PSMD4: variants seen among roughly 807,000 people sequenced by gnomAD.
PSMD4 encodes proteasome 26S subunit ubiquitin receptor, non-ATPase 4.
PSMD4 carries 5 observed loss-of-function variants against 39.7 expected under a neutral mutation model. That is an observed-to-expected ratio of 0.13 (90% CI 0.07 to 0.26). The LOEUF (loss-of-function observed/expected upper bound fraction) is 0.26, where lower values mean the gene tolerates loss of function less well. PSMD4 is among the 10% of genes least tolerant of loss of function. The pLI is 1.00. For synonymous variants in PSMD4, 143 were observed against 174.6 expected (o/e 0.82, Z 1.43); for missense variants, 272 against 486.1 (o/e 0.56, Z 4.14).
rs1272633294 is a variant in PSMD4, at chr1:151,262,045, A to AAAGCTAC, written c.27-114_27-108dup. ...TCATCTGTATATTTAAAAAAGAAAA[A>AAAGCTAC]AAGCTACAGGTGATGCTATGAAGAC... is the stretch of plus-strand genomic sequence containing the variant. On this transcript the variant is annotated intron_variant, in intron 1 of 9. Transcript: ENST00000368884. The AAAGCTAC allele has an allele frequency of 2.7e-6, 3 of 1,115,240 alleles. No homozygotes were observed. The East Asian group carries it at 7.2e-5, about 27-fold the overall frequency. The allele number at this position is 1,115,240 out of a possible 1,614,324, so 69.1% of individuals were successfully genotyped here.
chr1:151,267,273 C>T lies in PSMD4; in HGVS notation c.1064C>T (p.Ala355Val). 6.2e-7 allele frequency: 1 copy of T among 1,613,758 alleles called. No individual in the cohort carries two copies. Among genetic ancestry groups the T allele is most frequent in the East Asian group, 2.2e-5 (1 of 44,868 alleles). Residue 355 changes from alanine to valine, a missense_variant, in exon 10 of 10, where the codon GCT becomes GTT. Around this residue, in one of 3 missense-constraint regions of PSMD4, gnomAD observed 113 missense variants for 184.6 expected, o/e 0.61. Transcript: ENST00000368884. Reference protein sequence around the residue: ...VDPNNEAIRNAMGSLASQATK... With the variant: ...VDPNNEAIRNVMGSLASQATK... ...CCCAACAATGAAGCCATTCGAAATG[C>T]TATGGGCTCCCTGGCCTCCCAGGCC...
chr1:151,254,922 G>A, intron 1 of PSMD4, 114 bp downstream of exon 1: 2 of 1,307,654 alleles, frequency 1.5e-6, no homozygotes, highest in East Asian at 6.1e-5. Flanking sequence ...AGGCGGCCCT[G>A]GCCCCGGAGG....
At chr1:151,256,018 T>A (rs1302625786) in intron 1 of PSMD4, among the ~76,000 whole-genome samples, 3 of 152,008 alleles carry the variant, frequency 2.0e-5, no homozygotes, top group Non-Finnish European at 2.9e-5. Context: ...GAGGTTTTTT[T>A]AATAGGCTTG....
intron 2 of PSMD4, chr1:151,262,611 A>G (rs1693340431): frequency 3.2e-6 from 1 of 307,860 alleles, no homozygotes; most frequent in Admixed American, 4.4e-5. Flanking sequence ...ACAGTGGCTC[A>G]TGTCTGTAAT....
intron 1 of PSMD4, among the ~76,000 whole-genome samples, chr1:151,258,451 G>GTTT (rs869128528): frequency 7.8e-4 from 78 of 99,574 alleles, no homozygotes; most frequent in African/African-American, 1.4e-3. Context: ...CTTTTCGAGT[G>GTTT]TTTTTTTTTT....
At chr1:151,263,324 C>T (rs924729128) in intron 2 of PSMD4, among the ~76,000 whole-genome samples, 24 of 152,094 alleles carry the variant, frequency 1.6e-4, no homozygotes, top group Middle Eastern at 3.4e-3. Context: ...ATTAGCCGGG[C>T]GTGGTGGTGT....
Position 151,263,955 on chromosome 1 carries a change from G to A in PSMD4, c.209G>A (p.Arg70His), listed in dbSNP as rs943122880. The A allele has an allele frequency of 3.7e-6, 6 of 1,601,386 alleles. No homozygotes were observed. The South Asian group carries it at 4.5e-5, about 12-fold the overall frequency. ...VLTTLTPDTG[R>H]ILSKLHTVQP... Reference sequence around the variant, plus strand: ...ACCACACTCACCCCAGACACTGGCCGTATCCTGTCCAAGCTACATACTGTC... The same window carrying A: ...ACCACACTCACCCCAGACACTGGCCATATCCTGTCCAAGCTACATACTGTC... The change falls in exon 3 of 10, where the codon CGT (arginine) becomes CAT (histidine). Residue 70 changes from arginine to histidine, a missense_variant. By Grantham distance (29) the Arg-to-His change is conservative. This residue lies in a region of PSMD4 where 153 missense variants were observed against 257.6 expected (regional missense o/e 0.59). Transcript: ENST00000368884.
rs587718336 is a variant in PSMD4, at chr1:151,256,990, C to T, written c.26+2182C>T. Among the ~76,000 whole-genome samples, 30 of 152,182 alleles carry T rather than the reference C, an allele frequency of 2.0e-4. 1 individual carries two copies. In the East Asian group the frequency reaches 5.8e-3, roughly 29 times the overall value. On this transcript the variant is annotated intron_variant, in intron 1 of 9. Transcript: ENST00000368884. ...TCTCGAACTCCCACCCTCAGGTGAT[C>T]CGCCCGCCTCAGCCTCCCAAAGTGC... is the stretch of plus-strand genomic sequence containing the variant.
chr1:151,263,589 A>G lies in PSMD4; in HGVS notation c.168-325A>G, dbSNP rs906160898. Among the ~76,000 whole-genome samples, 7 of 151,714 alleles carry G rather than the reference A, an allele frequency of 4.6e-5. No homozygotes were observed. In the East Asian group the frequency reaches 9.7e-4, roughly 21 times the overall value. On this transcript the variant is annotated intron_variant, in intron 2 of 9. Coordinates refer to ENST00000368884, the MANE Select transcript of PSMD4 (RefSeq NM_002810.4). ...CACGCCTGTAATCCCAGCACTTTGG[A>G]AGGCCAAGGTGGGCGGATTACGAGG...
chr1:151,256,182 A>G (rs1693161696), intron 1 of PSMD4, among the ~76,000 whole-genome samples: 1 of 151,130 alleles, frequency 6.6e-6, no homozygotes, highest in Admixed American at 6.6e-5. Flanking sequence ...CATCTCTACT[A>G]AAAATACAAA....
Position 151,264,735 on chromosome 1 carries a change from G to A in PSMD4, c.283-97G>A, listed in dbSNP as rs1571071470. The A allele has an allele frequency of 7.3e-6, 7 of 958,900 alleles. No individual in the cohort carries two copies. In the Admixed American group the frequency reaches 1.0e-4, roughly 14 times the overall value. 59.4% of individuals were successfully genotyped at this position (958,900 alleles called of 1,614,324 possible). A position where few individuals can be genotyped will look rare whatever the true frequency, so the allele number is the denominator to read the frequency against. On this transcript the variant is annotated intron_variant, in intron 3 of 9. Transcript: ENST00000368884. The stretch of plus-strand genomic sequence containing the variant: ...CGTGATGGTAGATGGTGTACTTCAG[G>A]TACAAAGAAACTGTAAGAAAAAGGG...
intron 1 of PSMD4, among the ~76,000 whole-genome samples, chr1:151,256,343 CAAAAAAA>C (rs57889256): frequency 0.011 from 526 of 49,218 alleles, 20 homozygotes; most frequent in Middle Eastern, 0.086. Context: ...GACTCCCTCT[CAAAAAAA>C]AAAAAATAAT....
intron 1 of PSMD4, among the ~76,000 whole-genome samples, chr1:151,260,490 T>G (rs1693290164): frequency 6.6e-6 from 1 of 152,208 alleles, no homozygotes; most frequent in Non-Finnish European, 1.5e-5. Flanking sequence ...TCAGTTCAGC[T>G]GTCAAAGCTG....
At chr1:151,261,708 C>G (rs923668296) in intron 1 of PSMD4, among the ~76,000 whole-genome samples, 5 of 151,956 alleles carry the variant, frequency 3.3e-5, no homozygotes, top group Non-Finnish European at 7.4e-5. Flanking sequence ...TATCCCAGCA[C>G]TTGGGGAGGT....
rs1268336672 is a variant in PSMD4, at chr1:151,265,626, C to G, written c.654+17C>G. On this transcript the variant is annotated intron_variant, in intron 6 of 9. Transcript: ENST00000368884. ...CTGGCCTTGGTGAGCAAATGTTGAC[C>G]CCAGGTAGAGTCCAAAGGTCCCTCT... The G allele has an allele frequency of 2.5e-6, 4 of 1,610,948 alleles. No individual in the cohort carries two copies. The African/African-American group carries it at 5.3e-5, about 22-fold the overall frequency.
intron 1 of PSMD4, among the ~76,000 whole-genome samples, chr1:151,260,405 A>G (rs773362005): frequency 1.3e-5 from 2 of 152,156 alleles, no homozygotes; most frequent in African/African-American, 4.8e-5. Flanking sequence ...CATTAGCTGG[A>G]TACTTTTAGA....
At position 151,266,118 on chromosome 1, in the gene PSMD4, A is replaced by G. The variant is rs766208988; in HGVS notation, c.763+6A>G. The G allele has an allele frequency of 3.7e-6, 6 of 1,602,990 alleles. No individual in the cohort carries two copies. In the South Asian group the frequency reaches 6.7e-5, roughly 18 times the overall value. ...TGCTACGACTGGGACTGAAGGTGAA[A>G]GAGGTGGAATCCGAAGTCCTGGGAC... is the stretch of plus-strand genomic sequence containing the variant. On this transcript the variant is annotated splice_donor_region_variant and intron_variant, in intron 7 of 9. Transcript: ENST00000368884.
At position 151,264,010 on chromosome 1, in the gene PSMD4, G is replaced by A. The variant is rs764879571; in HGVS notation, c.264G>A (p.Thr88=). The change falls in exon 3 of 10, where the codon ACG becomes ACA. Residue 88 remains threonine (T), a synonymous_variant. Coordinates refer to ENST00000368884, the MANE Select transcript of PSMD4 (RefSeq NM_002810.4). The part of the protein sequence containing the change: ...VQPKGKITFC[T]GIRVAHLALK... Reference sequence around the variant, plus strand: ...CCAAGGGCAAGATCACCTTCTGCACGGGCATCCGCGTGGCCCATGTGAGTC... The same window carrying A: ...CCAAGGGCAAGATCACCTTCTGCACAGGCATCCGCGTGGCCCATGTGAGTC... 7.5e-6 allele frequency: 12 copies of A among 1,599,630 alleles called. No homozygotes were observed. The highest frequency in any genetic ancestry group is 3.4e-5 in the Admixed American group (2 of 58,426).
intron 1 of PSMD4, 78 bp downstream of exon 1, chr1:151,254,886 GT>G: frequency 1.5e-6 from 2 of 1,369,746 alleles, no homozygotes; most frequent in Non-Finnish European, 9.6e-7. Context: ...AGGGCCTGGG[GT>G]GGGGGCCAGG....
Sources: allele counts gnomAD v4.1 joint callset (sites outside exome capture counted in the v4.1 genomes callset), GRCh38; gene constraint gnomAD v4.1.1; regional missense constraint gnomAD v4.1.1; transcripts MANE v1.5; gene names NCBI Gene and HGNC (gene_info 2026-07-23, HGNC 2026-07-21).